EVL: variants seen among roughly 807,000 people sequenced by gnomAD.
EVL encodes the protein ena/VASP-like protein.
Under a neutral mutation model 59.6 loss-of-function variants are expected in EVL, and 21 were observed. The observed-to-expected ratio is 0.35, with a 90% CI of 0.25 to 0.51. The LOEUF (loss-of-function observed/expected upper bound fraction) is 0.51, where lower values mean the gene tolerates loss of function less well. EVL is among the 20% of genes least tolerant of loss of function. EVL has a pLI of 0.97. For synonymous variants in EVL, 198 were observed against 203.5 expected, an observed-to-expected ratio of 0.97 and a Z score of 0.23; for missense variants, 462 against 546.6, an observed-to-expected ratio of 0.85 and a Z score of 1.54.
chr14:100,106,418 A>G (rs2140336047), intron 3 of EVL: 1 of 158,504 alleles, frequency 6.3e-6, no homozygotes, highest in South Asian at 2.1e-4. Flanking sequence ...TCAGTCATCC[A>G]TAGACCTCCC....
intron 13 of EVL, among the ~76,000 whole-genome samples, chr14:100,142,472 GCA>G (rs1210809943): frequency 3.9e-5 from 6 of 152,364 alleles, no homozygotes; most frequent in Admixed American, 1.3e-4. Context: ...GAGCTATGCA[GCA>G]CAGCCAGTGC....
intron 1 of EVL, among the ~76,000 whole-genome samples, chr14:100,044,044 T>C (rs1041331286): frequency 6.6e-6 from 1 of 152,188 alleles, no homozygotes; most frequent in Non-Finnish European, 1.5e-5. Context: ...CAACTCTTAA[T>C]GCCAGTCTGG....
chr14:99,988,653 A>T (rs1236828506), intron 1 of EVL, among the ~76,000 whole-genome samples: 1 of 152,240 alleles, frequency 6.6e-6, no homozygotes, highest in East Asian at 1.9e-4. Context: ...AGCATTATTC[A>T]TGATAGCCTC....
At chr14:100,033,014 G>A (rs896950366) in intron 1 of EVL, among the ~76,000 whole-genome samples, 10 of 151,868 alleles carry the variant, frequency 6.6e-5, no homozygotes, top group African/African-American at 2.4e-4. Context: ...GAGGACAGTT[G>A]CTGCCTTTTT....
intron 1 of EVL, among the ~76,000 whole-genome samples, chr14:100,041,135 A>T (rs2061461601): frequency 6.6e-6 from 1 of 152,196 alleles, no homozygotes; most frequent in African/African-American, 2.4e-5. Context: ...GTTAACAATA[A>T]GTGTTCCTCT....
chr14:100,125,793 A>G (rs1047806067), intron 4 of EVL, among the ~76,000 whole-genome samples: 75 of 151,974 alleles, frequency 4.9e-4, no homozygotes, highest in African/African-American at 1.8e-3. Flanking sequence ...TGGCCTCGTC[A>G]TCCGCCCGCC....
intron 1 of EVL, among the ~76,000 whole-genome samples, chr14:100,078,600 T>C (rs1409866230): frequency 6.7e-6 from 1 of 150,276 alleles, no homozygotes; most frequent in East Asian, 2.0e-4. Context: ...GGTAAGGAAA[T>C]GGAGAGAGCA....
chr14:100,076,145 G>A lies in EVL; in HGVS notation c.12-8542G>A, dbSNP rs117555167. Among the ~76,000 whole-genome samples the A allele has an allele frequency of 1.2e-3, 182 of 152,340 alleles. 1 individual carries two copies. Among genetic ancestry groups the A allele is most frequent in the Non-Finnish European group, 2.1e-3 (142 of 68,030 alleles). Reference sequence around the variant, plus strand: ...AAATATCTCTTCCTAATTACTTGAGGAGTAGCAGAAAAGACATCTTAATTG... The same window carrying A: ...AAATATCTCTTCCTAATTACTTGAGAAGTAGCAGAAAAGACATCTTAATTG... On this transcript the variant is annotated intron_variant, in intron 1 of 13. Transcript: ENST00000392920.
intron 1 of EVL, among the ~76,000 whole-genome samples, chr14:100,050,079 G>A (rs1015600449): frequency 2.0e-5 from 3 of 152,186 alleles, no homozygotes; most frequent in Admixed American, 6.5e-5. Context: ...TATAAAGGAA[G>A]CAACAGTGGA....
At position 99,972,443 on chromosome 14, in the gene EVL, T is replaced by A. The variant is rs1291708077; in HGVS notation, c.5+386T>A. On this transcript the variant is annotated intron_variant, in intron 1 of 13. Transcript: ENST00000402714. The surrounding 1 kb of genome is among the most constrained non-coding windows in gnomAD (Gnocchi z 4.4). Reference sequence around the variant, plus strand: ...GGACCGAAGTTGGCGGAAGCCCCTGTGCGGTGCCTTCCAGCCCGGAGGAGG... The same window carrying A: ...GGACCGAAGTTGGCGGAAGCCCCTGAGCGGTGCCTTCCAGCCCGGAGGAGG... 1.3e-5 allele frequency among the ~76,000 whole-genome samples: 2 copies of A among 152,062 alleles called. No homozygotes were observed. Among genetic ancestry groups the A allele is most frequent in the Non-Finnish European group, 2.9e-5 (2 of 67,990 alleles).
chr14:100,050,514 T>C lies in EVL; in HGVS notation c.6-34173T>C, dbSNP rs2061630288. 1.3e-5 allele frequency among the ~76,000 whole-genome samples: 2 copies of C among 152,032 alleles called. 1 individual carries two copies. The highest frequency in any genetic ancestry group is 4.2e-4 in the South Asian group (2 of 4,814). ...ACAGGTGCCCGCCATCGCACCCAGCTAATTTATTGTATTTTTAGTAGAGAC... is the reference window on the plus strand; with the variant it reads ...ACAGGTGCCCGCCATCGCACCCAGCCAATTTATTGTATTTTTAGTAGAGAC... On this transcript the variant is annotated intron_variant, in intron 1 of 13. Transcript: ENST00000402714.
At chr14:100,010,169 T>G (rs2061007336) in intron 1 of EVL, among the ~76,000 whole-genome samples, 1 of 152,192 alleles carries the variant, frequency 6.6e-6, no homozygotes, top group Non-Finnish European at 1.5e-5. Flanking sequence ...GCAGGGCAAT[T>G]TCAAGGTATG....
rs1296194669 is a variant in EVL, at chr14:100,130,557, C to T, written c.839+873C>T. Among the ~76,000 whole-genome samples, 2 of 152,226 alleles carry T rather than the reference C, an allele frequency of 1.3e-5. No homozygotes were observed. The highest frequency in any genetic ancestry group is 4.8e-5 in the African/African-American group (2 of 41,462). On this transcript the variant is annotated intron_variant, in intron 7 of 13. Coordinates refer to ENST00000392920, the MANE Select transcript of EVL (RefSeq NM_016337.3). The surrounding 1 kb of genome is among the most constrained non-coding windows in gnomAD (Gnocchi z 4.8). ...TGTCGCCTTCTCCTGGCCCTCCCAGCTGCCTTCCAATTGGCTGACCCAAGT... is the reference window on the plus strand; with the variant it reads ...TGTCGCCTTCTCCTGGCCCTCCCAGTTGCCTTCCAATTGGCTGACCCAAGT...
chr14:100,092,030 G>C (rs1595163912), intron 2 of EVL, among the ~76,000 whole-genome samples: 1 of 152,128 alleles, frequency 6.6e-6, no homozygotes, highest in Middle Eastern at 3.2e-3. Flanking sequence ...CTTGAGCCCA[G>C]GAGTTCAAGA....
At chr14:100,038,956 G>A (rs530530490) in intron 1 of EVL, among the ~76,000 whole-genome samples, 2 of 152,270 alleles carry the variant, frequency 1.3e-5, no homozygotes, top group African/African-American at 2.4e-5. Context: ...AGTGGGGACT[G>A]TGTTTCCTTC....
At chr14:100,025,412 C>T (rs76329774) in intron 1 of EVL, among the ~76,000 whole-genome samples, 2,907 of 152,292 alleles carry the variant, frequency 0.019, 91 homozygotes, top group African/African-American at 0.066. Context: ...CAGGTGGCCA[C>T]GTGGCTTATG....
At chr14:99,986,003 A>G (rs1414132728) in intron 1 of EVL, among the ~76,000 whole-genome samples, 1 of 151,310 alleles carries the variant, frequency 6.6e-6, no homozygotes, top group Non-Finnish European at 1.5e-5. Flanking sequence ...TCAAAATCAA[A>G]TGTATTGGCT....
At chr14:100,040,832 G>A (rs2061457058) in intron 1 of EVL, among the ~76,000 whole-genome samples, 1 of 152,182 alleles carries the variant, frequency 6.6e-6, no homozygotes. Context: ...TGTGGGCATG[G>A]AAGAGCAAAT....
At chr14:100,095,625 A>G (rs191799416) in intron 2 of EVL, among the ~76,000 whole-genome samples, 33 of 152,352 alleles carry the variant, frequency 2.2e-4, no homozygotes, top group Non-Finnish European at 4.6e-4. Context: ...ACAAAGAGCA[A>G]AAAAACAGAG....
Sources: allele counts gnomAD v4.1 joint callset (sites outside exome capture counted in the v4.1 genomes callset), GRCh38; gene constraint gnomAD v4.1.1; non-coding constraint Gnocchi (gnomAD v3.1); transcripts MANE v1.5; gene names NCBI Gene and HGNC (gene_info 2026-07-23, HGNC 2026-07-21).